The following AFG1L variants were observed in gnomAD, a reference collection of about 807,000 sequenced individuals.
AFG1L encodes AFG1 like ATPase.
A neutral mutation model predicts 62.2 loss-of-function variants in AFG1L; 53 were observed. The ratio of observed to expected loss-of-function variants is 0.85; its 90% confidence interval spans 0.68 to 1.07. The LOEUF is 1.07. Among genes scored for constraint, AFG1L ranks in the 50% least tolerant of loss-of-function variants. The pLI, the probability that AFG1L is intolerant of heterozygous loss-of-function variation, is 0.00. For synonymous variants in AFG1L, 228 were observed against 210.3 expected (o/e 1.08, Z -0.73); for missense variants, 555 against 590.5 (o/e 0.94, Z 0.62).
intron 6 of AFG1L, among the ~76,000 whole-genome samples, chr6:108,392,796 A>G (rs1339999827): frequency 6.6e-6 from 1 of 152,092 alleles, no homozygotes; most frequent in Non-Finnish European, 1.5e-5. Flanking sequence ...TTGTGTGATA[A>G]TTTATAGGAA....
Position 108,510,170 on chromosome 6 carries a change from T to G in AFG1L, c.1063-42T>G, listed in dbSNP as rs754296070. The G allele has an allele frequency of 4.0e-6, 6 of 1,502,288 alleles. No homozygotes were observed. The African/African-American group carries it at 6.9e-5, about 17-fold the overall frequency. 93.1% of individuals were successfully genotyped at this position (1,502,288 alleles called of 1,614,324 possible). ...TAAACCACTCCAAAGGCAACCAGAA[T>G]TGGTTTATTTTTAAGTTTTCTTTTA... On this transcript the variant is annotated intron_variant, in intron 10 of 12. Coordinates refer to ENST00000368977, the MANE Select transcript of AFG1L (RefSeq NM_145315.5).
At chr6:108,399,178 GTTTTTTTTTTTTTTT>G (rs57304886) in intron 6 of AFG1L, among the ~76,000 whole-genome samples, 1 of 62,206 alleles carries the variant, frequency 1.6e-5, no homozygotes, top group Non-Finnish European at 2.7e-5. Flanking sequence ...TCTTTTGTTT[GTTTTTTTTTTTTTTT>G]TTTTTTTTTT....
chr6:108,415,840 C>T (rs1025979234), intron 7 of AFG1L, among the ~76,000 whole-genome samples: 55 of 152,228 alleles, frequency 3.6e-4, no homozygotes, highest in Admixed American at 1.6e-3. Flanking sequence ...TAGGCAATAC[C>T]ATTTAGGACA....
chr6:108,329,591 G>T (rs767200977), intron 2 of AFG1L, among the ~76,000 whole-genome samples: 1 of 152,026 alleles, frequency 6.6e-6, no homozygotes, highest in South Asian at 2.1e-4. Flanking sequence ...GAGCCACTGC[G>T]CCTGGCCCCA....
At chr6:108,295,317 C>T in intron 1 of AFG1L, 99 bp downstream of exon 1, 6 of 1,390,312 alleles carry the variant, frequency 4.3e-6, no homozygotes, top group Admixed American at 2.3e-5. Context: ...GTGTCTCCTG[C>T]TTTCACGAAG....
intron 7 of AFG1L, among the ~76,000 whole-genome samples, chr6:108,443,655 A>G (rs1017215318): frequency 6.6e-6 from 1 of 152,114 alleles, no homozygotes; most frequent in African/African-American, 2.4e-5. Flanking sequence ...GGAGCAGATC[A>G]CTTGAGGCCA....
chr6:108,314,315 A>C (rs1214266141), intron 1 of AFG1L, among the ~76,000 whole-genome samples: 4 of 151,696 alleles, frequency 2.6e-5, no homozygotes, highest in African/African-American at 9.7e-5. Flanking sequence ...TCCTAGTCTT[A>C]TTTTCTAAAG....
chr6:108,507,702 A>G (rs1774471742), intron 10 of AFG1L, among the ~76,000 whole-genome samples: 1 of 152,368 alleles, frequency 6.6e-6, no homozygotes, highest in African/African-American at 2.4e-5. Flanking sequence ...TGGTTTACAA[A>G]AGATGAGACA....
At chr6:108,353,259 A>T (rs966593323) in intron 3 of AFG1L, among the ~76,000 whole-genome samples, 16 of 151,666 alleles carry the variant, frequency 1.1e-4, no homozygotes, top group African/African-American at 3.9e-4. Flanking sequence ...GGCTCAAGCA[A>T]TCCTCCCATT....
At chr6:108,503,921 T>G (rs1056189437) in intron 10 of AFG1L, among the ~76,000 whole-genome samples, 1 of 152,236 alleles carries the variant, frequency 6.6e-6, no homozygotes, top group Non-Finnish European at 1.5e-5. Context: ...TTAAACCTCA[T>G]GAACCAACCT....
intron 6 of AFG1L, chr6:108,392,327 A>C (rs1781093347): frequency 6.6e-6 from 1 of 152,216 alleles, no homozygotes; most frequent in Non-Finnish European, 1.5e-5. Context: ...CATGCACAAA[A>C]TTATTAAAAA....
intron 2 of AFG1L, among the ~76,000 whole-genome samples, chr6:108,336,590 A>T (rs1023506849): frequency 6.6e-6 from 1 of 152,222 alleles, no homozygotes; most frequent in Non-Finnish European, 1.5e-5. Context: ...GTTTGCAGTA[A>T]AGGAATAGTT....
chr6:108,347,175 A>T, intron 3 of AFG1L, 136 bp downstream of exon 3: 1 of 718,562 alleles, frequency 1.4e-6, no homozygotes, highest in Non-Finnish European at 2.4e-6. Flanking sequence ...GTAGGGAGAG[A>T]AGAAAAGGGA....
At chr6:108,344,169 GT>G (rs1239677951) in intron 2 of AFG1L, among the ~76,000 whole-genome samples, 14 of 152,280 alleles carry the variant, frequency 9.2e-5, no homozygotes, top group Admixed American at 5.2e-4. Context: ...GCTGGGTGCA[GT>G]GGTGTGATCT....
intron 1 of AFG1L, among the ~76,000 whole-genome samples, chr6:108,296,734 A>T (rs1397530461): frequency 6.6e-6 from 1 of 152,214 alleles, no homozygotes. Flanking sequence ...TAAAAATAGT[A>T]TTCCATTCTA....
chr6:108,446,478 ACTCT>A (rs71732762), intron 7 of AFG1L, among the ~76,000 whole-genome samples: 28,741 of 115,140 alleles, frequency 0.25, 3,857 homozygotes, highest in Non-Finnish European at 0.32. Context: ...TTCTGGCCCA[ACTCT>A]CTCTCTCTCT....
intron 2 of AFG1L, among the ~76,000 whole-genome samples, chr6:108,333,222 C>T (rs1013092471): frequency 6.6e-6 from 1 of 151,532 alleles, no homozygotes; most frequent in African/African-American, 2.4e-5. Flanking sequence ...CCAACCTGGC[C>T]AACATGGTGA....
At chr6:108,467,249 CT>C (rs56898379) in intron 8 of AFG1L, among the ~76,000 whole-genome samples, 7,021 of 141,850 alleles carry the variant, frequency 0.049, 216 homozygotes, top group South Asian at 0.17. Context: ...GAGGTACTTA[CT>C]TTTTTTTTTT....
At chr6:108,327,453 A>T (rs1778092557) in intron 2 of AFG1L, among the ~76,000 whole-genome samples, 1 of 152,248 alleles carries the variant, frequency 6.6e-6, no homozygotes, top group African/African-American at 2.4e-5. Context: ...GAAGGCCAAG[A>T]TCAAAGTGCT....
Sources: allele counts gnomAD v4.1 joint callset (sites outside exome capture counted in the v4.1 genomes callset), GRCh38; gene constraint gnomAD v4.1.1; transcripts MANE v1.5; gene names NCBI Gene and HGNC (gene_info 2026-07-23, HGNC 2026-07-21).